SLC9A4: variants seen among roughly 807,000 people sequenced by gnomAD.
SLC9A4 encodes the protein sodium/hydrogen exchanger 4.
Under a neutral mutation model 67.4 loss-of-function variants are expected in SLC9A4, and 63 were observed. That is an observed-to-expected ratio of 0.93 (90% confidence interval 0.76 to 1.15). The LOEUF (loss-of-function observed/expected upper bound fraction) is 1.15. Among genes scored for constraint, SLC9A4 ranks in the 50% most tolerant of loss-of-function variants. The pLI, the probability that SLC9A4 is intolerant of heterozygous loss-of-function variation, is 0.00. For missense variants in SLC9A4, 1,089 were observed against 987.7 expected, an observed-to-expected ratio of 1.10 and a Z score of -1.38; for synonymous variants, 393 against 367.2, an observed-to-expected ratio of 1.07 and a Z score of -0.80.
At chr2:102,476,762 G>C (rs1191162804) in intron 1 of SLC9A4, among the ~76,000 whole-genome samples, 1 of 152,062 alleles carries the variant, frequency 6.6e-6, no homozygotes, top group Non-Finnish European at 1.5e-5. Context: ...AGGAGGAAGA[G>C]AGTAAGAAGG....
intron 2 of SLC9A4, among the ~76,000 whole-genome samples, chr2:102,491,412 A>C (rs1320180803): frequency 7.0e-6 from 1 of 143,222 alleles, no homozygotes; most frequent in Non-Finnish European, 1.5e-5. Flanking sequence ...GGTTTCATGG[A>C]CTCAAGCACC....
At chr2:102,522,060 G>A (rs1341347139) in intron 9 of SLC9A4, among the ~76,000 whole-genome samples, 2 of 152,208 alleles carry the variant, frequency 1.3e-5, no homozygotes, top group Non-Finnish European at 2.9e-5. Context: ...GAGGTTCCCG[G>A]TAGGACAACC....
chr2:102,500,099 A>G (rs924563322), intron 2 of SLC9A4, among the ~76,000 whole-genome samples: 1 of 152,206 alleles, frequency 6.6e-6, no homozygotes, highest in African/African-American at 2.4e-5. Flanking sequence ...ATCCTTATTG[A>G]AGGCGAGCTC....
intron 2 of SLC9A4, among the ~76,000 whole-genome samples, chr2:102,489,294 G>A (rs1170849758): frequency 6.6e-6 from 1 of 152,196 alleles, no homozygotes; most frequent in Non-Finnish European, 1.5e-5. Context: ...TGAGGAACAG[G>A]TGTTGGTGGA....
intron 8 of SLC9A4, among the ~76,000 whole-genome samples, chr2:102,518,895 T>C (rs1183910699): frequency 6.6e-6 from 1 of 152,212 alleles, no homozygotes; most frequent in Non-Finnish European, 1.5e-5. Flanking sequence ...CATTAAGGTT[T>C]ATATCAAGAT....
intron 2 of SLC9A4, among the ~76,000 whole-genome samples, chr2:102,493,580 C>T (rs1399216559): frequency 6.6e-6 from 1 of 151,798 alleles, no homozygotes; most frequent in African/African-American, 2.4e-5. Flanking sequence ...AATTACCTCC[C>T]ACCATGTCAC....
intron 2 of SLC9A4, among the ~76,000 whole-genome samples, chr2:102,501,200 C>T (rs1233915813): frequency 6.6e-6 from 1 of 151,948 alleles, no homozygotes; most frequent in East Asian, 1.9e-4. Context: ...CAGCTTACTG[C>T]AACCTCCACT....
chr2:102,473,845 A>G lies in SLC9A4; in HGVS notation c.86A>G (p.Asp29Gly), dbSNP rs1359561675. Residue 29 changes from aspartate to glycine, a missense_variant, in exon 1 of 12, where the codon GAT becomes GGT. Physicochemically the swap from Asp to Gly is moderately conservative, Grantham distance 94 (BLOSUM62 -1). Coordinates refer to ENST00000295269, the MANE Select transcript of SLC9A4 (RefSeq NM_001011552.4). Reference sequence around the variant, plus strand: ...CTTGAGTGTTCTGAAGCATCTTCTGATTTGAATGAATCTGCAAATTCCACT... The same window carrying G: ...CTTGAGTGTTCTGAAGCATCTTCTGGTTTGAATGAATCTGCAAATTCCACT... ...VALECSEASS[D>G]LNESANSTAQ... is the part of the protein sequence containing the mutation. The G allele has an allele frequency of 6.2e-7, 1 of 1,614,078 alleles. No homozygotes were observed.
intron 1 of SLC9A4, among the ~76,000 whole-genome samples, chr2:102,478,297 G>A (rs1258339077): frequency 6.6e-6 from 1 of 152,222 alleles, no homozygotes; most frequent in Admixed American, 6.5e-5. Context: ...ATACAGAGCT[G>A]AATGCATGAA....
chr2:102,520,801 G>T (rs921129378), intron 9 of SLC9A4, among the ~76,000 whole-genome samples: 1 of 152,136 alleles, frequency 6.6e-6, no homozygotes, highest in Non-Finnish European at 1.5e-5. Context: ...CTTGTTCAAG[G>T]TTACAAAACA....
chr2:102,484,910 C>T (rs1684553846), intron 2 of SLC9A4, among the ~76,000 whole-genome samples: 1 of 152,212 alleles, frequency 6.6e-6, no homozygotes, highest in Non-Finnish European at 1.5e-5. Context: ...TTGCTCCCTC[C>T]TCTGGTGACA....
Position 102,476,723 on chromosome 2 carries a change from A to G in SLC9A4, c.257-2116A>G, listed in dbSNP as rs148607905. On this transcript the variant is annotated intron_variant, in intron 1 of 11. Coordinates refer to ENST00000295269, the MANE Select transcript of SLC9A4 (RefSeq NM_001011552.4). ...GAGAAGAAGGAGGAGATGGATAAGG[A>G]GAAGGAGGAGGAGGAAAAAGGAAGA... Among the ~76,000 whole-genome samples the G allele has an allele frequency of 1.4e-3, 208 of 152,272 alleles. 1 individual carries two copies. The highest frequency in any genetic ancestry group is 2.3e-3 in the Non-Finnish European group (159 of 68,002).
intron 2 of SLC9A4, among the ~76,000 whole-genome samples, chr2:102,499,973 A>G (rs1684889858): frequency 6.6e-6 from 1 of 152,230 alleles, no homozygotes; most frequent in South Asian, 2.1e-4. Flanking sequence ...TTAATTTCAC[A>G]GTATGGTCAT....
At chr2:102,508,758 A>C (rs1472878154) in intron 5 of SLC9A4, 89 bp from the exon 6 acceptor site, 1 of 927,282 alleles carries the variant, frequency 1.1e-6, no homozygotes, top group Non-Finnish European at 1.7e-6. Context: ...TATAGATTGG[A>C]CATTCTAATA....
chr2:102,532,383 C>A lies in SLC9A4; in HGVS notation c.2092C>A (p.Arg698=). ...ATCCATCACGTTCAGCGCATGCTCT[C>A]GGATAGGGTCACTTCAGAAGCAAGA... ...SPSITFSACS[R]IGSLQKQEAQ... Residue 698 remains arginine, a synonymous_variant, in exon 12 of 12, where the codon CGG becomes AGG. Transcript: ENST00000295269. The A allele has an allele frequency of 1.2e-6, 2 of 1,614,122 alleles. No individual in the cohort carries two copies. Among genetic ancestry groups the A allele is most frequent in the South Asian group, 1.1e-5 (1 of 91,060 alleles).
intron 2 of SLC9A4, among the ~76,000 whole-genome samples, chr2:102,495,208 C>A (rs1270322866): frequency 1.3e-5 from 2 of 151,870 alleles, no homozygotes; most frequent in African/African-American, 2.4e-5. Flanking sequence ...AATTAAAAAA[C>A]AAACTTCTAG....
chr2:102,532,811 T>A lies in SLC9A4; in HGVS notation c.*123T>A. ...TTTGCTGTGTTGAAGCTATTAAACA[T>A]GGATCTATAAGCAGCAGGAAGATTT... On this transcript the variant is annotated 3_prime_UTR_variant, in exon 12 of 12. Coordinates refer to ENST00000295269, the MANE Select transcript of SLC9A4 (RefSeq NM_001011552.4). 9.5e-7 allele frequency: 1 copy of A among 1,053,312 alleles called. No individual in the cohort carries two copies. The highest frequency in any genetic ancestry group is 1.4e-6 in the Non-Finnish European group (1 of 739,234). 65.2% of individuals were successfully genotyped at this position (1,053,312 alleles called of 1,614,324 possible). A position where few individuals can be genotyped will look rare whatever the true frequency, so the allele number is the denominator to read the frequency against.
chr2:102,486,387 C>T (rs1364696622), intron 2 of SLC9A4, among the ~76,000 whole-genome samples: 2 of 152,222 alleles, frequency 1.3e-5, no homozygotes, highest in Non-Finnish European at 2.9e-5. Context: ...ACGTCTGAGC[C>T]ACAGAGCTCT....
At position 102,503,642 on chromosome 2, in the gene SLC9A4, C is replaced by T; in HGVS notation, c.915C>T (p.Ile305=). The T allele has an allele frequency of 6.2e-7, 1 of 1,614,186 alleles. No homozygotes were observed. The highest frequency in any genetic ancestry group is 8.5e-7 in the Non-Finnish European group (1 of 1,180,036). The change falls in exon 3 of 12, where the codon ATC becomes ATT. Residue 305 remains isoleucine, a synonymous_variant. Coordinates refer to ENST00000295269, the MANE Select transcript of SLC9A4 (RefSeq NM_001011552.4). ...ATATCTCTGCAATTGAGCCACTCAT[C>T]GTCTTCATGTTCAGCTATTTGTCTT... ...TQNISAIEPL[I]VFMFSYLSYL...
Sources: allele counts gnomAD v4.1 joint callset (sites outside exome capture counted in the v4.1 genomes callset), GRCh38; gene constraint gnomAD v4.1.1; transcripts MANE v1.5; gene names NCBI Gene and HGNC (gene_info 2026-07-23, HGNC 2026-07-21).